Variants in TEAD1 observed in about 807,000 individuals in gnomAD.
TEAD1 encodes transcriptional enhancer factor TEF-1.
In TEAD1, 9 loss-of-function variants were observed where a neutral mutation model predicts 54.9. That is an observed-to-expected ratio of 0.16 (90% CI 0.10 to 0.29). The LOEUF is 0.29. TEAD1 is among the 10% of genes least tolerant of loss of function. TEAD1 has a pLI of 1.00. For missense variants in TEAD1, 387 were observed against 535.9 expected (o/e 0.72, Z 2.74); for synonymous variants, 200 against 187.8 (o/e 1.07, Z -0.53).
At chr11:12,709,775 T>A (rs150884066) in intron 2 of TEAD1, among the ~76,000 whole-genome samples, 3 of 152,284 alleles carry the variant, frequency 2.0e-5, no homozygotes, top group Non-Finnish European at 2.9e-5. Context: ...GTAATCCTCC[T>A]GCCTTGGTTT....
chr11:12,711,254 T>A (rs1254218271), intron 2 of TEAD1, among the ~76,000 whole-genome samples: 3 of 151,992 alleles, frequency 2.0e-5, no homozygotes, highest in African/African-American at 7.2e-5. Context: ...ATGAAGAAAT[T>A]AGAATGTGCA....
At chr11:12,819,706 C>T (rs1711861852) in intron 3 of TEAD1, among the ~76,000 whole-genome samples, 1 of 152,176 alleles carries the variant, frequency 6.6e-6, no homozygotes, top group African/African-American at 2.4e-5. Flanking sequence ...CCGCCTCGGT[C>T]TCCCAAAGTG....
At chr11:12,732,927 A>G (rs1415045599) in intron 2 of TEAD1, among the ~76,000 whole-genome samples, 1 of 152,212 alleles carries the variant, frequency 6.6e-6, no homozygotes, top group Non-Finnish European at 1.5e-5. Context: ...TTGCAAAGCT[A>G]ATACCTACTT....
chr11:12,700,227 C>A (rs1267482861), intron 2 of TEAD1, among the ~76,000 whole-genome samples: 1 of 152,154 alleles, frequency 6.6e-6, no homozygotes, highest in African/African-American at 2.4e-5. Context: ...AAATACCCAA[C>A]CTGTGTGCTA....
intron 2 of TEAD1, among the ~76,000 whole-genome samples, chr11:12,737,627 G>C (rs1162697390): frequency 3.3e-5 from 5 of 152,190 alleles, no homozygotes; most frequent in Non-Finnish European, 7.3e-5. Context: ...CTTACAGCTT[G>C]TGGGGCTCAA....
intron 2 of TEAD1, among the ~76,000 whole-genome samples, chr11:12,763,002 C>T (rs974065184): frequency 1.2e-4 from 18 of 152,172 alleles, no homozygotes; most frequent in African/African-American, 4.3e-4. Context: ...GGCCCTTGGC[C>T]TCCTCTTTTC....
intron 5 of TEAD1, among the ~76,000 whole-genome samples, chr11:12,871,726 A>C (rs1253033836): frequency 2.0e-5 from 3 of 152,160 alleles, no homozygotes; most frequent in Non-Finnish European, 4.4e-5. Flanking sequence ...AAGATGGGCC[A>C]AGCCACCTCT....
chr11:12,851,078 A>G, intron 3 of TEAD1: 1 of 984,206 alleles, frequency 1.0e-6, no homozygotes, highest in Non-Finnish European at 1.2e-6. Context: ...TCTTTATACA[A>G]AAGAGGTGAG....
At chr11:12,822,796 T>C (rs1946579644) in intron 3 of TEAD1, 1 of 152,198 alleles carries the variant, frequency 6.6e-6, no homozygotes, top group Admixed American at 6.5e-5. Flanking sequence ...GCATCCATAT[T>C]AGTAAGCCCA....
intron 2 of TEAD1, among the ~76,000 whole-genome samples, chr11:12,676,579 C>G (rs1943096932): frequency 6.6e-6 from 1 of 152,226 alleles, no homozygotes; most frequent in Non-Finnish European, 1.5e-5. Context: ...AGACTTAAAT[C>G]CAACTTCCTT....
chr11:12,765,076 C>T (rs536911865), intron 3 of TEAD1, among the ~76,000 whole-genome samples: 1 of 152,168 alleles, frequency 6.6e-6, no homozygotes, highest in East Asian at 1.9e-4. Context: ...TCACTGTCAC[C>T]ATCTCCCCTT....
At chr11:12,718,149 A>G (rs1251859938) in intron 2 of TEAD1, among the ~76,000 whole-genome samples, 1 of 152,180 alleles carries the variant, frequency 6.6e-6, no homozygotes, top group East Asian at 1.9e-4. Flanking sequence ...TCCTCCCACC[A>G]TGTCATACAG....
intron 4 of TEAD1, among the ~76,000 whole-genome samples, chr11:12,862,864 T>A (rs953801303): frequency 2.0e-5 from 3 of 152,232 alleles, no homozygotes; most frequent in African/African-American, 7.2e-5. Flanking sequence ...ACAACTTCAA[T>A]ACCTCTGTGC....
intron 2 of TEAD1, among the ~76,000 whole-genome samples, chr11:12,716,958 GTGAC>G (rs1944076279): frequency 6.6e-6 from 1 of 152,212 alleles, no homozygotes. Flanking sequence ...CTGCTCCCAG[GTGAC>G]TGACTGAGCT....
chr11:12,941,487 G>T lies in TEAD1; in HGVS notation c.*4265G>T, dbSNP rs1949161823. On this transcript the variant is annotated 3_prime_UTR_variant, in exon 13 of 13. Transcript: ENST00000527636. ...TGTGGTGGCTTTAGCAGTTGTTTTT[G>T]TGCAACTATAAATTATTTAAATCAT... 6.6e-6 allele frequency: 1 copy of T among 152,314 alleles called. No individual in the cohort carries two copies. The highest frequency in any genetic ancestry group is 1.5e-5 in the Non-Finnish European group (1 of 68,042). The allele number at this position is 152,314 out of a possible 1,614,324, so 9.4% of individuals were successfully genotyped here.
chr11:12,873,433 G>A (rs1446306277), intron 5 of TEAD1, among the ~76,000 whole-genome samples: 1 of 152,138 alleles, frequency 6.6e-6, no homozygotes, highest in Non-Finnish European at 1.5e-5. Context: ...CAGAGTTAAA[G>A]GAAACGATGT....
intron 2 of TEAD1, among the ~76,000 whole-genome samples, chr11:12,739,546 G>A (rs1701019944): frequency 6.6e-6 from 1 of 152,090 alleles, no homozygotes; most frequent in Non-Finnish European, 1.5e-5. Flanking sequence ...TTGTCCTTTT[G>A]TGACCGGCTT....
At chr11:12,912,809 G>A (rs954387775) in intron 10 of TEAD1, among the ~76,000 whole-genome samples, 8 of 152,098 alleles carry the variant, frequency 5.3e-5, no homozygotes, top group Non-Finnish European at 1.0e-4. Flanking sequence ...CTCTTGCATT[G>A]GGAGTTGCCT....
rs553921798 is a variant in TEAD1, at chr11:12,764,343, C to T, written c.111C>T (p.Pro37=). ...ATGATGCAGAAGGGGTCTGGAGCCC[C>T]GACATCGAGCAAAGCTTTCAGGAGG... Residue 37 remains proline (P), a synonymous_variant, in exon 3 of 13, where the codon CCC becomes CCT. Coordinates refer to ENST00000527636, the MANE Select transcript of TEAD1 (RefSeq NM_021961.6). 19 of 1,614,118 alleles carry T rather than the reference C, an allele frequency of 1.2e-5. No individual in the cohort carries two copies. The highest frequency in any genetic ancestry group is 1.6e-4 in the Middle Eastern group (1 of 6,062).
Sources: allele counts gnomAD v4.1 joint callset (sites outside exome capture counted in the v4.1 genomes callset), GRCh38; gene constraint gnomAD v4.1.1; transcripts MANE v1.5; gene names NCBI Gene and HGNC (gene_info 2026-07-23, HGNC 2026-07-21).